Variants in SRGAP3 observed in about 807,000 individuals in gnomAD.
The protein encoded by SRGAP3 is SLIT-ROBO Rho GTPase-activating protein 3.
A neutral mutation model predicts 121.1 loss-of-function variants in SRGAP3; 39 were observed. The observed-to-expected ratio is 0.32, with a 90% CI of 0.25 to 0.42. The LOEUF (loss-of-function observed/expected upper bound fraction) is 0.42, where lower values mean the gene tolerates loss of function less well. Ranked by LOEUF, SRGAP3 falls within the 10% of genes least tolerant of loss-of-function variation. SRGAP3 has a pLI of 1.00. For missense variants in SRGAP3, 1,213 were observed against 1,470.6 expected, an observed-to-expected ratio of 0.82 and a Z score of 2.86; for synonymous variants, 601 against 570.0, an observed-to-expected ratio of 1.05 and a Z score of -0.77.
chr3:9,229,105 C>T (rs1268164503), intron 1 of SRGAP3, among the ~76,000 whole-genome samples: 1 of 148,616 alleles, frequency 6.7e-6, no homozygotes, highest in Non-Finnish European at 1.5e-5. Flanking sequence ...ACTCTACTTA[C>T]TCCTCCCCAA....
chr3:9,246,806 T>C (rs1953843090), intron 1 of SRGAP3, among the ~76,000 whole-genome samples: 1 of 152,212 alleles, frequency 6.6e-6, no homozygotes, highest in African/African-American at 2.4e-5. Flanking sequence ...GAATAAGATG[T>C]AACTCCTTTA....
chr3:9,016,241 A>G (rs1418545248), intron 14 of SRGAP3, among the ~76,000 whole-genome samples: 1 of 152,212 alleles, frequency 6.6e-6, no homozygotes, highest in Non-Finnish European at 1.5e-5. Flanking sequence ...ACTTTTTTTC[A>G]AAAGCCAAGA....
chr3:9,223,868 C>T (rs544655999), intron 1 of SRGAP3, among the ~76,000 whole-genome samples: 3 of 152,224 alleles, frequency 2.0e-5, no homozygotes, highest in South Asian at 2.1e-4. Context: ...CTGTGAGATT[C>T]GATTTGTTTC....
chr3:9,347,340 C>T (rs1036110195), intron 1 of SRGAP3, among the ~76,000 whole-genome samples: 3 of 152,122 alleles, frequency 2.0e-5, no homozygotes, highest in Non-Finnish European at 2.9e-5. Flanking sequence ...AGTAGGCATA[C>T]ATCTATGTAT....
intron 12 of SRGAP3, among the ~76,000 whole-genome samples, chr3:9,029,978 A>C (rs1944397534): frequency 2.3e-5 from 1 of 42,826 alleles, no homozygotes; most frequent in Non-Finnish European, 3.9e-5. Context: ...CTGTCTCTAC[A>C]AAAAAAAAAA....
Position 9,249,645 on chromosome 3 carries a change from C to A in SRGAP3, c.-694G>T, listed in dbSNP as rs2125249471. 1 of 235,046 alleles carries A rather than the reference C, an allele frequency of 4.3e-6. No homozygotes were observed. Among genetic ancestry groups the A allele is most frequent in the African/African-American group, 2.2e-5 (1 of 45,434 alleles). 14.6% of individuals were successfully genotyped at this position (235,046 alleles called of 1,614,324 possible). ...AAGCTCCGGTGAACACAAGGCTGGACTGCTCGCCCTGCAGGGCTGGCTGAG... is the reference window on the plus strand; with the variant it reads ...AAGCTCCGGTGAACACAAGGCTGGAATGCTCGCCCTGCAGGGCTGGCTGAG... On this transcript the variant is annotated 5_prime_UTR_variant, in exon 1 of 22. Transcript: ENST00000383836.
chr3:9,188,304 G>T (rs573008357), intron 1 of SRGAP3, among the ~76,000 whole-genome samples: 6 of 152,324 alleles, frequency 3.9e-5, no homozygotes, highest in African/African-American at 1.4e-4. Context: ...TGAGCAAGGA[G>T]AACCTTATGG....
intron 4 of SRGAP3, among the ~76,000 whole-genome samples, chr3:9,076,978 T>A (rs115888679): frequency 1.3e-3 from 201 of 152,248 alleles, no homozygotes; most frequent in Non-Finnish European, 2.0e-3. Context: ...TTATTATTAT[T>A]ATACTTTAAA....
chr3:9,307,690 C>T (rs986153759), intron 3 of SRGAP3, among the ~76,000 whole-genome samples: 2 of 152,156 alleles, frequency 1.3e-5, no homozygotes, highest in Non-Finnish European at 2.9e-5. Context: ...CAGATGGCAT[C>T]TTTGGCAAAA....
chr3:9,031,558 G>A (rs1297114738), intron 12 of SRGAP3, among the ~76,000 whole-genome samples: 2 of 152,112 alleles, frequency 1.3e-5, no homozygotes, highest in East Asian at 1.9e-4. Flanking sequence ...CCCTTCCCCA[G>A]AACTCAGCCC....
Position 9,053,154 on chromosome 3 carries a change from G to A in SRGAP3, c.1196C>T (p.Ser399Phe), listed in dbSNP as rs778738339. Reference protein sequence around the residue: ...DMLTVEDFDVSDAFQHSRSTE... With the variant: ...DMLTVEDFDVFDAFQHSRSTE... ...CGATCGACTGTGTTGGAAGGCATCGGAGACATCAAAGTCCTCCACAGTCAG... is the reference window on the plus strand; with the variant it reads ...CGATCGACTGTGTTGGAAGGCATCGAAGACATCAAAGTCCTCCACAGTCAG... The change falls in exon 9 of 22, where the codon TCC becomes TTC. Residue 399 changes from serine (S) to phenylalanine (F), a missense_variant. This residue lies in a region of SRGAP3 where 793 missense variants were observed against 1,032.9 expected (regional missense o/e 0.77). Transcript: ENST00000383836. 5 of 1,614,200 alleles carry A rather than the reference G, an allele frequency of 3.1e-6. No homozygotes were observed. Among genetic ancestry groups the A allele is most frequent in the Non-Finnish European group, 4.2e-6 (5 of 1,180,042 alleles).
At chr3:9,111,092 T>C (rs1948606281) in intron 2 of SRGAP3, among the ~76,000 whole-genome samples, 1 of 152,244 alleles carries the variant, frequency 6.6e-6, no homozygotes, top group Non-Finnish European at 1.5e-5. Flanking sequence ...TTGAATATTT[T>C]GTATAGATCA....
intron 1 of SRGAP3, among the ~76,000 whole-genome samples, chr3:9,346,449 T>C (rs953859709): frequency 6.6e-6 from 1 of 152,138 alleles, no homozygotes; most frequent in Non-Finnish European, 1.5e-5. Context: ...AAACATGCTA[T>C]GATGTTGCCA....
chr3:9,168,346 G>A (rs1950864998), intron 1 of SRGAP3, among the ~76,000 whole-genome samples: 1 of 152,082 alleles, frequency 6.6e-6, no homozygotes, highest in African/African-American at 2.4e-5. Flanking sequence ...ACTGCTCCAA[G>A]TGTGCTCAGA....
intron 1 of SRGAP3, among the ~76,000 whole-genome samples, chr3:9,335,277 C>T (rs1955673095): frequency 6.6e-6 from 1 of 152,054 alleles, no homozygotes; most frequent in South Asian, 2.1e-4. Context: ...AAATTGGGCT[C>T]CTTGTTGCCA....
chr3:9,072,532 GCA>G (rs1444058879), intron 4 of SRGAP3, among the ~76,000 whole-genome samples: 2 of 152,246 alleles, frequency 1.3e-5, no homozygotes, highest in Non-Finnish European at 2.9e-5. Flanking sequence ...ATGACACTGT[GCA>G]CACACCCTGG....
intron 1 of SRGAP3, among the ~76,000 whole-genome samples, chr3:9,145,628 C>T (rs183590724): frequency 3.9e-5 from 6 of 152,308 alleles, no homozygotes; most frequent in Admixed American, 2.6e-4. Context: ...GACTCAGGAG[C>T]TTCCCTTGAG....
rs118036627 is a variant in SRGAP3 at position 9,096,786 on chromosome 3, C to T, written c.423+7894G>A. Among the ~76,000 whole-genome samples the T allele has an allele frequency of 5.5e-3, 829 of 150,122 alleles. 27 individuals carry two copies. The East Asian group carries it at 0.091, about 16-fold the overall frequency. On this transcript the variant is annotated intron_variant, in intron 3 of 21. Coordinates refer to ENST00000383836, the MANE Select transcript of SRGAP3 (RefSeq NM_014850.4). ...CTGATCCTTTGTTTAACCTGTATGC[C>T]CTGAAAAAATTCTTCCTTCATCCCA...
In SRGAP3 at chr3:8,997,131, A is replaced by G. The variant is rs186936125; in HGVS notation, c.2228-2608T>C. Among the ~76,000 whole-genome samples, 14 of 152,330 alleles carry G rather than the reference A, an allele frequency of 9.2e-5. No homozygotes were observed. The East Asian group carries it at 2.3e-3, about 25-fold the overall frequency. ...GTAATAACAGCTCCCATTGATTACT[A>G]AGTCTGTTATTTGGGCTTCTCGTGC... On this transcript the variant is annotated intron_variant, in intron 18 of 21. Coordinates refer to ENST00000383836, the MANE Select transcript of SRGAP3 (RefSeq NM_014850.4).
Sources: gnomAD v4.1 joint callset for allele counts (sites outside exome capture counted in the v4.1 genomes callset) on GRCh38, gnomAD v4.1.1 for gene constraint, gnomAD v4.1.1 regional missense constraint, MANE v1.5 for transcripts, NCBI Gene and HGNC (gene_info 2026-07-23, HGNC 2026-07-21) for gene names.